IL31RA: variants seen among roughly 807,000 people sequenced by gnomAD.
IL31RA encodes the protein interleukin-31 receptor subunit alpha.
A neutral mutation model predicts 83.7 loss-of-function variants in IL31RA; 66 were observed. The ratio of observed to expected loss-of-function variants is 0.79; its 90% CI spans 0.65 to 0.97. The LOEUF (loss-of-function observed/expected upper bound fraction) is 0.97. Ranked by LOEUF, IL31RA falls within the 50% of genes least tolerant of loss-of-function variation. The pLI, the probability that IL31RA is intolerant of heterozygous loss-of-function variation, is 0.00. For missense variants in IL31RA, 798 were observed against 919.4 expected (o/e 0.87, Z 1.71); for synonymous variants, 325 against 329.0 (o/e 0.99, Z 0.13).
At chr5:55,892,989 G>A (rs1403999815) in intron 6 of IL31RA, among the ~76,000 whole-genome samples, 1 of 152,156 alleles carries the variant, frequency 6.6e-6, no homozygotes, top group African/African-American at 2.4e-5. Context: ...TATAAAGCGT[G>A]TGTTTTCCTA....
At position 55,868,776 on chromosome 5, in the gene IL31RA, GTTTAA is replaced by G. The variant is rs1409577969; in HGVS notation, c.155-10_155-6del. The G allele has an allele frequency of 5.1e-6, 7 of 1,383,134 alleles. No homozygotes were observed. Among genetic ancestry groups the G allele is most frequent in the East Asian group, 2.3e-5 (1 of 43,822 alleles). The allele number at this position is 1,383,134 out of a possible 1,614,324, so 85.7% of individuals were successfully genotyped here. A position where few individuals can be genotyped will look rare whatever the true frequency, so the allele number is the denominator to read the frequency against. ...AATTTTTGTGTTTGTGTGTGTGTGT[GTTTAA>G]TTTATTTAGCTCTGCCAGCTAAGCC... is the stretch of plus-strand genomic sequence containing the variant. On this transcript the variant is annotated splice_polypyrimidine_tract_variant and intron_variant, in intron 2 of 14. Transcript: ENST00000652347.
intron 6 of IL31RA, among the ~76,000 whole-genome samples, chr5:55,894,961 C>T (rs1489510780): frequency 6.6e-6 from 1 of 152,214 alleles, no homozygotes; most frequent in East Asian, 1.9e-4. Flanking sequence ...AAGTGATCCA[C>T]CTGCCTCGGC....
intron 8 of IL31RA, among the ~76,000 whole-genome samples, chr5:55,904,085 C>T (rs1339117184): frequency 6.6e-6 from 1 of 152,196 alleles, no homozygotes; most frequent in Non-Finnish European, 1.5e-5. Flanking sequence ...GCCCAGATTC[C>T]TCTTTTCTTA....
chr5:55,886,216 G>A (rs1282036779), intron 5 of IL31RA, among the ~76,000 whole-genome samples: 1 of 148,850 alleles, frequency 6.7e-6, no homozygotes, highest in African/African-American at 2.5e-5. Context: ...GAAGGTGGAA[G>A]TCTGTACTAC....
intron 7 of IL31RA, among the ~76,000 whole-genome samples, chr5:55,897,665 CAGA>C (rs1748497814): frequency 7.2e-6 from 1 of 138,080 alleles, no homozygotes; most frequent in Admixed American, 7.5e-5. Context: ...GTGGGGAATG[CAGA>C]GAAGAAGAAG....
chr5:55,904,536 C>G (rs1749016604), intron 8 of IL31RA, among the ~76,000 whole-genome samples: 1 of 152,190 alleles, frequency 6.6e-6, no homozygotes, highest in South Asian at 2.1e-4. Flanking sequence ...CTTGCCCCGG[C>G]CTCTGCTCCT....
chr5:55,875,022 A>G (rs1746749279), intron 4 of IL31RA, among the ~76,000 whole-genome samples: 1 of 152,142 alleles, frequency 6.6e-6, no homozygotes, highest in African/African-American at 2.4e-5. Flanking sequence ...GTAGATACCC[A>G]TTGCACATTG....
the IL31RA span, chr5:55,839,796 T>C: frequency 2.6e-6 from 2 of 769,180 alleles, no homozygotes; most frequent in South Asian, 2.7e-5. Context: ...CTGTGTCCCA[T>C]AGTTTCTCTG....
chr5:55,916,969 C>G lies in IL31RA; in HGVS notation c.2144C>G (p.Ala715Gly), dbSNP rs1749826437. 5.0e-6 allele frequency: 8 copies of G among 1,614,008 alleles called. No individual in the cohort carries two copies. In the East Asian group the frequency reaches 1.8e-4, roughly 36 times the overall value. ...ATGCCAGAGGGGACCCGCCCAGAAGCCAAAGAGCAGCTTCTCTTTTCTGGT... is the reference window on the plus strand; with the variant it reads ...ATGCCAGAGGGGACCCGCCCAGAAGGCAAAGAGCAGCTTCTCTTTTCTGGT... The part of the protein sequence containing the change: ...SRMPEGTRPE[A>G]KEQLLFSGQS... Residue 715 changes from alanine (A) to glycine (G), a missense_variant, in exon 15 of 15, where the codon GCC becomes GGC. Physicochemically the swap from Ala to Gly is moderately conservative, Grantham distance 60. Coordinates refer to ENST00000652347, the MANE Select transcript of IL31RA (RefSeq NM_139017.7).
chr5:55,896,476 T>G (rs1748346855), intron 7 of IL31RA, 47 bp downstream of exon 7: 1 of 1,244,584 alleles, frequency 8.0e-7, no homozygotes, highest in East Asian at 2.3e-5. Flanking sequence ...TCCCCTTCCC[T>G]CCTTTCCCTC....
At chr5:55,899,011 G>A (rs1748641664) in intron 7 of IL31RA, among the ~76,000 whole-genome samples, 1 of 152,070 alleles carries the variant, frequency 6.6e-6, no homozygotes. Flanking sequence ...GCGACAGAGA[G>A]AGACTCTGTC....
the IL31RA span, among the ~76,000 whole-genome samples, chr5:55,845,783 T>C: frequency 3.3e-5 from 5 of 152,334 alleles, no homozygotes; most frequent in African/African-American, 1.2e-4. Flanking sequence ...GTCTCGGGTG[T>C]TTCTTCATAG....
intron 7 of IL31RA, among the ~76,000 whole-genome samples, chr5:55,898,852 T>A (rs751239296): frequency 6.6e-6 from 1 of 151,964 alleles, no homozygotes; most frequent in Non-Finnish European, 1.5e-5. Flanking sequence ...AGCAAAACCC[T>A]GTCTCTACTA....
intron 1 of IL31RA, among the ~76,000 whole-genome samples, chr5:55,856,463 A>C (rs1745370669): frequency 6.6e-6 from 1 of 152,236 alleles, no homozygotes; most frequent in Non-Finnish European, 1.5e-5. Flanking sequence ...GGCTCTCCTC[A>C]AGAGCACAGC....
chr5:55,858,649 G>A (rs147802008), intron 1 of IL31RA, among the ~76,000 whole-genome samples: 100 of 151,494 alleles, frequency 6.6e-4, no homozygotes, highest in African/African-American at 2.2e-3. Context: ...ATAATGATCT[G>A]GCAGATGAAA....
chr5:55,906,392 A>G (rs1163360988), intron 9 of IL31RA, 104 bp downstream of exon 9: 2 of 1,075,536 alleles, frequency 1.9e-6, no homozygotes, highest in Non-Finnish European at 2.8e-6. Flanking sequence ...AGTGTGGTTA[A>G]TAGCATTTGT....
At chr5:55,911,321 C>T (rs549398759) in intron 12 of IL31RA, among the ~76,000 whole-genome samples, 1 of 152,202 alleles carries the variant, frequency 6.6e-6, no homozygotes, top group South Asian at 2.1e-4. Flanking sequence ...ATTATCTCCC[C>T]CTGGGTCCCT....
At chr5:55,864,186 T>C (rs1463185576) in intron 2 of IL31RA, among the ~76,000 whole-genome samples, 2 of 152,182 alleles carry the variant, frequency 1.3e-5, no homozygotes, top group African/African-American at 2.4e-5. Context: ...GGCGAGTTAG[T>C]GTGACGAGTA....
Position 55,872,379 on chromosome 5 carries a change from A to G in IL31RA, c.382A>G (p.Ile128Val), listed in dbSNP as rs1179688518. 1.2e-6 allele frequency: 2 copies of G among 1,611,674 alleles called. No individual in the cohort carries two copies. The highest frequency in any genetic ancestry group is 2.2e-5 in the East Asian group (1 of 44,842). The change falls in exon 4 of 15, where the codon ATT (isoleucine) becomes GTT (valine). Residue 128 changes from isoleucine (I) to valine (V), a missense_variant. Transcript: ENST00000652347. ...PRITIPDNYT[I>V]EVEAENGDGV... is the part of the protein sequence containing the mutation. ...AATAACGATCCCAGATAATTATACC[A>G]TTGAGGTGGAAGCTGAAAATGGAGA...
Sources: allele counts gnomAD v4.1 joint callset (sites outside exome capture counted in the v4.1 genomes callset), GRCh38; gene constraint gnomAD v4.1.1; transcripts MANE v1.5; gene names NCBI Gene and HGNC (gene_info 2026-07-23, HGNC 2026-07-21).